STXBP5L: variants seen among roughly 807,000 people sequenced by gnomAD.
The protein encoded by STXBP5L is syntaxin binding protein 5L.
A neutral mutation model predicts 144.5 loss-of-function variants in STXBP5L; 65 were observed. The observed-to-expected ratio is 0.45, with a 90% CI of 0.37 to 0.55. The LOEUF (loss-of-function observed/expected upper bound fraction) is 0.55. Among genes scored for constraint, STXBP5L ranks in the 20% least tolerant of loss-of-function variants. The probability of loss-of-function intolerance (pLI) is 0.00; values close to 1 mark genes in which losing one functional copy is unlikely to be tolerated. For synonymous variants in STXBP5L, 505 were observed against 469.6 expected, an observed-to-expected ratio of 1.08 and a Z score of -0.97; for missense variants, 1,298 against 1,405.5, an observed-to-expected ratio of 0.92 and a Z score of 1.22.
At position 120,986,914 on chromosome 3, in the gene STXBP5L, A is replaced by C. The variant is rs556704769; in HGVS notation, c.287+31877A>C. On this transcript the variant is annotated intron_variant, in intron 3 of 26. Coordinates refer to ENST00000471454, the MANE Select transcript of STXBP5L (RefSeq NM_001308330.2). The stretch of plus-strand genomic sequence containing the variant: ...GAGTCTAAAGAACGAGAAAAGGTGG[A>C]ACATAAGTGAATGGAACAGAAGGGA... Among the ~76,000 whole-genome samples, 12 of 152,102 alleles carry C rather than the reference A, an allele frequency of 7.9e-5. No homozygotes were observed. In the East Asian group the frequency reaches 2.3e-3, roughly 29 times the overall value.
intron 25 of STXBP5L, among the ~76,000 whole-genome samples, chr3:121,418,054 T>G (rs2047280038): frequency 1.3e-5 from 2 of 152,220 alleles, no homozygotes; most frequent in South Asian, 4.1e-4. Flanking sequence ...AGTCACATAT[T>G]TGAATATTCC....
At chr3:121,018,822 T>C (rs929104173) in intron 3 of STXBP5L, among the ~76,000 whole-genome samples, 9 of 152,268 alleles carry the variant, frequency 5.9e-5, no homozygotes, top group African/African-American at 2.2e-4. Flanking sequence ...TCATGAACTT[T>C]TACTTCATGA....
chr3:120,975,164 C>T (rs1035651764), intron 3 of STXBP5L, among the ~76,000 whole-genome samples: 1 of 152,286 alleles, frequency 6.6e-6, no homozygotes, highest in Admixed American at 6.5e-5. Flanking sequence ...ATTGCTTCTT[C>T]CTACTCATGA....
chr3:121,213,553 G>A (rs533330055), intron 10 of STXBP5L, among the ~76,000 whole-genome samples: 3 of 152,276 alleles, frequency 2.0e-5, no homozygotes, highest in Non-Finnish European at 2.9e-5. Context: ...TGCATCCCAG[G>A]TATGAAGCCA....
chr3:121,213,945 G>A (rs750826358), intron 10 of STXBP5L, among the ~76,000 whole-genome samples: 9 of 152,130 alleles, frequency 5.9e-5, no homozygotes, highest in Non-Finnish European at 1.0e-4. Context: ...GAGGGTATAT[G>A]TGGTTAGGAA....
chr3:121,228,257 T>G lies in STXBP5L; in HGVS notation c.1111+5100T>G, dbSNP rs377024282. Among the ~76,000 whole-genome samples, 25 of 152,238 alleles carry G rather than the reference T, an allele frequency of 1.6e-4. No individual in the cohort carries two copies. In the East Asian group the frequency reaches 2.7e-3, roughly 16 times the overall value. On this transcript the variant is annotated intron_variant, in intron 11 of 26. Transcript: ENST00000471454. ...AAGGACAGCATGAAGTACAGGAAGTTTCCTTGGTAAAACACAGAATCTGTG... is the reference window on the plus strand; with the variant it reads ...AAGGACAGCATGAAGTACAGGAAGTGTCCTTGGTAAAACACAGAATCTGTG...
chr3:121,408,883 G>A (rs1177990950), intron 23 of STXBP5L, among the ~76,000 whole-genome samples: 2 of 151,904 alleles, frequency 1.3e-5, no homozygotes, highest in Non-Finnish European at 2.9e-5. Flanking sequence ...CTCGAGGTTA[G>A]AAGAGAGTTT....
intron 22 of STXBP5L, among the ~76,000 whole-genome samples, chr3:121,397,891 G>A (rs1435794199): frequency 1.3e-5 from 2 of 152,188 alleles, no homozygotes; most frequent in Non-Finnish European, 2.9e-5. Flanking sequence ...GGTTGAATTG[G>A]CCACGCAGAC....
intron 20 of STXBP5L, among the ~76,000 whole-genome samples, chr3:121,349,518 A>G (rs573785361): frequency 4.0e-5 from 6 of 151,674 alleles, no homozygotes; most frequent in South Asian, 4.2e-4. Flanking sequence ...ATCCTTGTTA[A>G]CTTTCTGTCT....
At chr3:121,046,176 G>A (rs1947504948) in intron 5 of STXBP5L, among the ~76,000 whole-genome samples, 1 of 152,112 alleles carries the variant, frequency 6.6e-6, no homozygotes, top group African/African-American at 2.4e-5. Flanking sequence ...TTATGTATTT[G>A]TGATTATTGA....
intron 5 of STXBP5L, among the ~76,000 whole-genome samples, chr3:121,111,050 A>G (rs867522267): frequency 6.6e-6 from 1 of 152,034 alleles, no homozygotes; most frequent in Admixed American, 6.6e-5. Flanking sequence ...TTGTGGGTGC[A>G]TTGTGAAGTT....
rs1472431668 is a variant in STXBP5L at position 121,180,871 on chromosome 3, C to T, written c.877+23244C>T. ...CTGGACAACAAGAGTGAAACTCTGACTTGAAAAGAAAAAGAAGAGAAGACA... is the reference window on the plus strand; with the variant it reads ...CTGGACAACAAGAGTGAAACTCTGATTTGAAAAGAAAAAGAAGAGAAGACA... On this transcript the variant is annotated intron_variant, in intron 9 of 26. Coordinates refer to ENST00000471454, the MANE Select transcript of STXBP5L (RefSeq NM_001308330.2). Among the ~76,000 whole-genome samples the T allele has an allele frequency of 2.8e-5, 4 of 144,842 alleles. No individual in the cohort carries two copies. In the East Asian group the frequency reaches 8.2e-4, roughly 30 times the overall value.
chr3:121,164,247 G>T (rs1380520814), intron 9 of STXBP5L, among the ~76,000 whole-genome samples: 2 of 152,054 alleles, frequency 1.3e-5, no homozygotes, highest in Admixed American at 1.3e-4. Flanking sequence ...ATGTAAAAAG[G>T]TGCTCAACAT....
intron 7 of STXBP5L, among the ~76,000 whole-genome samples, chr3:121,143,911 G>A (rs180820262): frequency 4.6e-5 from 7 of 151,818 alleles, no homozygotes; most frequent in South Asian, 2.1e-4. Context: ...GCTTCATGAC[G>A]CTGGTTTTGA....
chr3:121,324,366 A>G lies in STXBP5L; in HGVS notation c.2176+5826A>G, dbSNP rs933196586. The G allele has an allele frequency of 7.4e-6, 4 of 542,726 alleles. No individual in the cohort carries two copies. In the Admixed American group the frequency reaches 1.4e-4, roughly 19 times the overall value. The allele number at this position is 542,726 out of a possible 1,614,324, so 33.6% of individuals were successfully genotyped here. On this transcript the variant is annotated intron_variant, in intron 20 of 26. Coordinates refer to ENST00000471454, the MANE Select transcript of STXBP5L (RefSeq NM_001308330.2). ...GGAGCAGTATTTATCTTTATTTTAG[A>G]TAAGGATACAAAATGCAGATCTTTC...
intron 6 of STXBP5L, among the ~76,000 whole-genome samples, chr3:121,118,344 G>T (rs2107839650): frequency 6.6e-6 from 1 of 151,796 alleles, no homozygotes; most frequent in East Asian, 1.9e-4. Context: ...GTTTCAGTTA[G>T]ATGAGTAAAA....
intron 18 of STXBP5L, among the ~76,000 whole-genome samples, chr3:121,275,083 C>T (rs766057660): frequency 6.6e-6 from 1 of 152,166 alleles, no homozygotes; most frequent in Admixed American, 6.5e-5. Context: ...TTTCCAGGTA[C>T]TCATCTGTTC....
At chr3:121,208,927 A>G (rs2048445067) in intron 10 of STXBP5L, among the ~76,000 whole-genome samples, 1 of 151,086 alleles carries the variant, frequency 6.6e-6, no homozygotes, top group East Asian at 1.9e-4. Flanking sequence ...AACCCCCACA[A>G]CCCCCAACAG....
intron 5 of STXBP5L, among the ~76,000 whole-genome samples, chr3:121,089,594 TC>T (rs2042678490): frequency 6.6e-6 from 1 of 152,008 alleles, no homozygotes; most frequent in Non-Finnish European, 1.5e-5. Context: ...ACTGTTTATT[TC>T]TCTGGGTTTA....
Sources: allele counts gnomAD v4.1 joint callset (sites outside exome capture counted in the v4.1 genomes callset), GRCh38; gene constraint gnomAD v4.1.1; transcripts MANE v1.5; gene names NCBI Gene and HGNC (gene_info 2026-07-23, HGNC 2026-07-21).